The following PTPRD variants were observed in gnomAD, a reference collection of about 807,000 sequenced individuals.
The protein encoded by PTPRD is receptor-type tyrosine-protein phosphatase delta.
PTPRD carries 34 observed loss-of-function variants against 214.5 expected under a neutral mutation model. That is an observed-to-expected ratio of 0.16 (90% confidence interval 0.12 to 0.21). The LOEUF (loss-of-function observed/expected upper bound fraction) is 0.21, where lower values mean the gene tolerates loss of function less well. PTPRD is among the 10% of genes least tolerant of loss of function. The pLI, the probability that PTPRD is intolerant of heterozygous loss-of-function variation, is 1.00. For synonymous variants in PTPRD, 1,128 were observed against 845.7 expected, an observed-to-expected ratio of 1.33 and a Z score of -5.79; for missense variants, 2,545 against 2,398.7, an observed-to-expected ratio of 1.06 and a Z score of -1.27.
chr9:9,440,792 C>A (rs140537922), intron 8 of PTPRD, among the ~76,000 whole-genome samples: 3 of 152,120 alleles, frequency 2.0e-5, no homozygotes, highest in Non-Finnish European at 4.4e-5. Flanking sequence ...TTGTTTCAAT[C>A]GCAATAATAT....
chr9:8,653,361 C>G (rs2096850132), intron 12 of PTPRD, among the ~76,000 whole-genome samples: 1 of 152,128 alleles, frequency 6.6e-6, no homozygotes, highest in Non-Finnish European at 1.5e-5. Context: ...TATACTTTTA[C>G]TTAGACTGGA....
At chr9:9,094,521 G>A (rs1214656534) in intron 10 of PTPRD, among the ~76,000 whole-genome samples, 3 of 152,076 alleles carry the variant, frequency 2.0e-5, no homozygotes, top group African/African-American at 7.2e-5. Context: ...ACTTACGGTT[G>A]GGGGAAAGTT....
intron 11 of PTPRD, among the ~76,000 whole-genome samples, chr9:8,970,299 C>A (rs1043706911): frequency 2.0e-5 from 3 of 151,802 alleles, no homozygotes; most frequent in African/African-American, 7.2e-5. Context: ...ACTATGACAG[C>A]CCTACACAGT....
At chr9:9,015,912 G>C (rs771050272) in intron 11 of PTPRD, among the ~76,000 whole-genome samples, 28 of 152,032 alleles carry the variant, frequency 1.8e-4, no homozygotes, top group South Asian at 4.1e-4. Flanking sequence ...TGTTATGGAG[G>C]TGAGGAATGC....
At chr9:9,710,834 A>T (rs1308101339) in intron 7 of PTPRD, among the ~76,000 whole-genome samples, 3 of 152,092 alleles carry the variant, frequency 2.0e-5, no homozygotes, top group African/African-American at 4.8e-5. Context: ...ATTTCATTCA[A>T]TACCGTTTGC....
intron 8 of PTPRD, among the ~76,000 whole-genome samples, chr9:9,454,549 G>A (rs1288368577): frequency 6.6e-6 from 1 of 151,712 alleles, no homozygotes; most frequent in East Asian, 1.9e-4. Flanking sequence ...GTTCCCATTA[G>A]TTCAGTAAGA....
At chr9:8,915,757 A>C (rs947707440) in intron 11 of PTPRD, among the ~76,000 whole-genome samples, 1 of 152,174 alleles carries the variant, frequency 6.6e-6, no homozygotes, top group East Asian at 1.9e-4. Flanking sequence ...TTAGTTGAGA[A>C]AGGGTCTACT....
intron 3 of PTPRD, among the ~76,000 whole-genome samples, chr9:10,250,037 A>G (rs893841001): frequency 1.2e-4 from 11 of 93,502 alleles, no homozygotes; most frequent in African/African-American, 2.9e-4. Context: ...TCTAAAATGA[A>G]TATTAAGATG....
At chr9:8,932,858 T>C (rs2098962608) in intron 11 of PTPRD, among the ~76,000 whole-genome samples, 1 of 150,078 alleles carries the variant, frequency 6.7e-6, no homozygotes, top group Non-Finnish European at 1.5e-5. Context: ...CTGGCTTCCG[T>C]CGCCTTTCCA....
At chr9:8,797,182 C>T (rs894417030) in intron 11 of PTPRD, 15 of 152,032 alleles carry the variant, frequency 9.9e-5, no homozygotes, top group Admixed American at 8.5e-4. Flanking sequence ...CCAATTTTTG[C>T]CAGAAAGCCC....
intron 2 of PTPRD, among the ~76,000 whole-genome samples, chr9:10,365,157 A>G (rs539035957): frequency 6.6e-6 from 1 of 152,236 alleles, no homozygotes; most frequent in Admixed American, 6.5e-5. Context: ...TGACTTTCTC[A>G]TGGCTCCCAG....
At chr9:9,907,857 C>G (rs1419182643) in intron 5 of PTPRD, among the ~76,000 whole-genome samples, 3 of 151,952 alleles carry the variant, frequency 2.0e-5, no homozygotes, top group Non-Finnish European at 2.9e-5. Context: ...ATTTTCATCA[C>G]TCATACCAGT....
intron 5 of PTPRD, among the ~76,000 whole-genome samples, chr9:9,837,349 A>C (rs2057064638): frequency 6.6e-6 from 1 of 152,174 alleles, no homozygotes; most frequent in Non-Finnish European, 1.5e-5. Context: ...AGGAGCAGTG[A>C]TAAGAAAGAT....
intron 15 of PTPRD, 126 bp downstream of exon 15, chr9:8,528,465 G>T (rs1003684569): frequency 2.3e-6 from 2 of 851,360 alleles, no homozygotes; most frequent in East Asian, 5.4e-5. Flanking sequence ...AAGTAACAGA[G>T]AAAGAGAAGA....
chr9:9,280,980 A>C (rs1947483136), intron 9 of PTPRD, among the ~76,000 whole-genome samples: 1 of 151,326 alleles, frequency 6.6e-6, no homozygotes. Context: ...ACACATAATC[A>C]AGTAATTTTT....
At chr9:9,755,296 T>C (rs946025880) in intron 6 of PTPRD, among the ~76,000 whole-genome samples, 1 of 152,012 alleles carries the variant, frequency 6.6e-6, no homozygotes, top group Non-Finnish European at 1.5e-5. Flanking sequence ...ATGCTACCTT[T>C]TGTAGAATTT....
intron 11 of PTPRD, among the ~76,000 whole-genome samples, chr9:8,879,498 C>A (rs184956542): frequency 6.6e-6 from 1 of 152,122 alleles, no homozygotes; most frequent in Non-Finnish European, 1.5e-5. Context: ...ACAGTCAGAT[C>A]GCTGGCCCAT....
chr9:8,940,141 T>A (rs7047447), intron 11 of PTPRD, among the ~76,000 whole-genome samples: 2 of 151,490 alleles, frequency 1.3e-5, no homozygotes, highest in African/African-American at 4.8e-5. Context: ...TATTTCAGTC[T>A]GTCAAGACCT....
intron 5 of PTPRD, among the ~76,000 whole-genome samples, chr9:9,913,389 G>C (rs2079769258): frequency 1.3e-5 from 2 of 151,896 alleles, no homozygotes; most frequent in Non-Finnish European, 1.5e-5. Flanking sequence ...AGTGCTTTAA[G>C]ATCAAATAGG....
Sources: allele counts gnomAD v4.1 joint callset (sites outside exome capture counted in the v4.1 genomes callset), GRCh38; gene constraint gnomAD v4.1.1; transcripts MANE v1.5; gene names NCBI Gene and HGNC (gene_info 2026-07-23, HGNC 2026-07-21).